CCDC33: variants seen among roughly 807,000 people sequenced by gnomAD.
The protein encoded by CCDC33 is coiled-coil domain-containing protein 33.
In CCDC33, 94 loss-of-function variants were observed where a neutral mutation model predicts 91.9. That is an observed-to-expected ratio of 1.02 (90% CI 0.87 to 1.21). The LOEUF is 1.21. Among genes scored for constraint, CCDC33 ranks in the 50% most tolerant of loss-of-function variants. CCDC33 has a pLI of 0.00. For missense variants in CCDC33, 940 were observed against 935.5 expected (o/e 1.00, Z -0.06); for synonymous variants, 396 against 374.5 (o/e 1.06, Z -0.66).
chr15:74,225,408 C>G (rs2074761999), intron 2 of CCDC33, among the ~76,000 whole-genome samples: 1 of 151,664 alleles, frequency 6.6e-6, no homozygotes, highest in African/African-American at 2.4e-5. Context: ...TCCTGAACAC[C>G]CTCCACCCAC....
chr15:74,325,829 C>G (rs2060299006), intron 11 of CCDC33, among the ~76,000 whole-genome samples: 1 of 152,112 alleles, frequency 6.6e-6, no homozygotes, highest in South Asian at 2.1e-4. Context: ...TTTAGGCCTC[C>G]TGCACCCAAG....
At chr15:74,329,427 G>A (rs558386823) in intron 11 of CCDC33, among the ~76,000 whole-genome samples, 94 of 152,276 alleles carry the variant, frequency 6.2e-4, no homozygotes, top group African/African-American at 1.9e-3. Context: ...CTTGGTTTCC[G>A]CATTGGTATA....
Position 74,244,669 on chromosome 15 carries a change from G to A in CCDC33, c.185+521G>A, listed in dbSNP as rs1292737250. ...CCCCACACACCCCCTCCAGCCAGCT[G>A]CTGTCAGGGTACACACTTCCCCAGC... is the stretch of plus-strand genomic sequence containing the variant. On this transcript the variant is annotated intron_variant, in intron 2 of 18. Transcript: ENST00000398814. The surrounding 1 kb of genome is among the most constrained non-coding windows in gnomAD (Gnocchi z 4.2). Among the ~76,000 whole-genome samples, 1 of 151,964 alleles carries A rather than the reference G, an allele frequency of 6.6e-6. No individual in the cohort carries two copies. Among genetic ancestry groups the A allele is most frequent in the Non-Finnish European group, 1.5e-5 (1 of 68,002 alleles).
exon 3 of CCDC33, chr15:74,212,179 C>T (rs537623101): frequency 2.1e-4 from 32 of 152,662 alleles, no homozygotes; most frequent in African/African-American, 5.3e-4. Context: ...TCTCGGGATC[C>T]GCAGAGTCTA....
intron 1 of CCDC33, among the ~76,000 whole-genome samples, chr15:74,242,515 C>A (rs1318616225): frequency 1.3e-5 from 2 of 152,222 alleles, no homozygotes; most frequent in East Asian, 3.9e-4. Flanking sequence ...AGATGAGGAA[C>A]AGCCTGCCAG....
intron 2 of CCDC33, among the ~76,000 whole-genome samples, chr15:74,257,378 G>A (rs1320018381): frequency 2.6e-5 from 4 of 152,270 alleles, no homozygotes; most frequent in East Asian, 3.9e-4. Context: ...AAGCGGGGGC[G>A]AGAAGAGAAG....
chr15:74,306,043 G>C (rs752719998), intron 11 of CCDC33, among the ~76,000 whole-genome samples: 1 of 152,200 alleles, frequency 6.6e-6, no homozygotes, highest in Non-Finnish European at 1.5e-5. Context: ...ATTAATAGTC[G>C]TTGTGTTCAT....
In CCDC33 at chr15:74,222,529, CTTTTCT is replaced by C. The variant is rs1220977383; in HGVS notation, c.675+3673_675+3678del. Among the ~76,000 whole-genome samples, 222 of 90,972 alleles carry C rather than the reference CTTTTCT, an allele frequency of 2.4e-3. 1 individual carries two copies. Among genetic ancestry groups the C allele is most frequent in the Middle Eastern group, 9.3e-3 (1 of 108 alleles). 59.7% of individuals were successfully genotyped at this position (90,972 alleles called of 152,430 possible). ...TCAAGGTTGTTTTTTTTTTCTTTTT[CTTTTCT>C]TTTTTTTTTTAATTCCTTCCGTTTA... On this transcript the variant is annotated intron_variant, in intron 2 of 2. Coordinates refer to the CCDC33 transcript ENST00000635913.
chr15:74,210,256 G>A (rs28373720), intron 2 of CCDC33, among the ~76,000 whole-genome samples: 2,022 of 152,302 alleles, frequency 0.013, 39 homozygotes, highest in African/African-American at 0.047. Context: ...TCCCAAGGCC[G>A]TTTGTAATGG....
At chr15:74,222,354 C>T (rs2074623569) in intron 2 of CCDC33, among the ~76,000 whole-genome samples, 2 of 152,042 alleles carry the variant, frequency 1.3e-5, no homozygotes, top group African/African-American at 2.4e-5. Flanking sequence ...GCTAGAAGGC[C>T]GGGAACTCCC....
chr15:74,209,225 AC>A lies in CCDC33; in HGVS notation n.90-158del. On this transcript the variant is annotated intron_variant and non_coding_transcript_variant, in intron 1 of 3. Coordinates refer to the CCDC33 transcript ENST00000558645. The stretch of plus-strand genomic sequence containing the variant: ...GTCTCCAGCGGTATAGCCTCTCCAC[AC>A]CCCCAAACCGTTTGCTCGAAACTTG... 3.7e-6 allele frequency: 4 copies of A among 1,085,836 alleles called. No homozygotes were observed. The South Asian group carries it at 4.6e-5, about 12-fold the overall frequency. 67.3% of individuals were successfully genotyped at this position (1,085,836 alleles called of 1,614,324 possible).
intron 2 of CCDC33, among the ~76,000 whole-genome samples, chr15:74,251,301 C>T (rs891241137): frequency 5.9e-5 from 9 of 152,232 alleles, no homozygotes; most frequent in African/African-American, 2.2e-4. Flanking sequence ...GGCTCAGTGC[C>T]CTGGGGCTTG....
chr15:74,232,354 A>G (rs925188335), upstream of CCDC33, among the ~76,000 whole-genome samples: 2 of 152,184 alleles, frequency 1.3e-5, no homozygotes, highest in African/African-American at 4.8e-5. Context: ...CAAGAGGGAG[A>G]CTACAGCGCC....
intron 1 of CCDC33, among the ~76,000 whole-genome samples, chr15:74,241,390 C>G (rs1259333118): frequency 6.6e-6 from 1 of 152,182 alleles, no homozygotes; most frequent in African/African-American, 2.4e-5. Context: ...GGAGTGACAC[C>G]CAGGGTGGAG....
intron 2 of CCDC33, among the ~76,000 whole-genome samples, chr15:74,249,063 GC>G (rs1184534909): frequency 1.3e-5 from 2 of 152,244 alleles, no homozygotes; most frequent in East Asian, 1.9e-4. Flanking sequence ...CTTGTCGGCA[GC>G]CCCCCACCCT....
intron 11 of CCDC33, among the ~76,000 whole-genome samples, chr15:74,322,387 G>A (rs1337895419): frequency 6.6e-6 from 1 of 152,110 alleles, no homozygotes; most frequent in Admixed American, 6.5e-5. Context: ...GGGCAGCAAG[G>A]AATTAGCAGC....
intron 1 of CCDC33, among the ~76,000 whole-genome samples, chr15:74,208,246 G>C (rs2074307863): frequency 6.6e-6 from 1 of 152,138 alleles, no homozygotes; most frequent in Non-Finnish European, 1.5e-5. Context: ...CCCCATCAAG[G>C]GAGGCAATCA....
chr15:74,215,490 A>C (rs2074417047), upstream of CCDC33, among the ~76,000 whole-genome samples: 1 of 152,204 alleles, frequency 6.6e-6, no homozygotes, highest in Non-Finnish European at 1.5e-5. Flanking sequence ...ACTGAGCTGC[A>C]CATTTCAAAG....
intron 2 of CCDC33, 33 bp from the exon 3 acceptor site, chr15:74,262,407 C>G (rs778553802): frequency 2.5e-6 from 4 of 1,612,522 alleles, no homozygotes; most frequent in Non-Finnish European, 3.4e-6. Context: ...CAGAACCCCT[C>G]CCTTTGACTC....
Sources: gnomAD v4.1 joint callset for allele counts (sites outside exome capture counted in the v4.1 genomes callset) on GRCh38, gnomAD v4.1.1 for gene constraint, Gnocchi (gnomAD v3.1) non-coding constraint, MANE v1.5 for transcripts, NCBI Gene and HGNC (gene_info 2026-07-23, HGNC 2026-07-21) for gene names.